The following SEC61B variants were observed in gnomAD, a reference collection of about 807,000 sequenced individuals.
The protein encoded by SEC61B is SEC61 translocon subunit beta, also known as protein transport protein Sec61 subunit beta.
A neutral mutation model predicts 12.6 loss-of-function variants in SEC61B; 7 were observed. That is an observed-to-expected ratio of 0.55 (90% confidence interval 0.32 to 1.04). The LOEUF (loss-of-function observed/expected upper bound fraction) is 1.04. Ranked by LOEUF, SEC61B falls within the 50% of genes least tolerant of loss-of-function variation. SEC61B has a pLI of 0.05. For missense variants in SEC61B, 107 were observed against 130.1 expected, an observed-to-expected ratio of 0.82 and a Z score of 0.86; for synonymous variants, 54 against 50.1, an observed-to-expected ratio of 1.08 and a Z score of -0.33.
chr9:99,226,990 AG>A (rs1828904987), intron 2 of SEC61B, among the ~76,000 whole-genome samples: 1 of 152,102 alleles, frequency 6.6e-6, no homozygotes, highest in African/African-American at 2.4e-5. Flanking sequence ...AAACACGGCC[AG>A]GTGCGGTGGC....
chr9:99,222,678 C>T (rs1397749374), intron 2 of SEC61B, 35 bp downstream of exon 2: 3 of 1,403,302 alleles, frequency 2.1e-6, no homozygotes, highest in African/African-American at 1.4e-5. Context: ...CTTCCAGACT[C>T]GGAGATAGGA....
chr9:99,225,172 T>C (rs1828880922), intron 2 of SEC61B, among the ~76,000 whole-genome samples: 1 of 152,226 alleles, frequency 6.6e-6, no homozygotes, highest in Admixed American at 6.5e-5. Context: ...CGAAGATGGG[T>C]CTGTGAACAA....
Position 99,227,925 on chromosome 9 carries a change from G to T in SEC61B, c.128G>T (p.Ser43Ile). 6.2e-7 allele frequency: 1 copy of T among 1,614,112 alleles called. No individual in the cohort carries two copies. The highest frequency in any genetic ancestry group is 1.1e-5 in the South Asian group (1 of 91,074). The change falls in exon 3 of 4, where the codon AGT (serine) becomes ATT (isoleucine). Residue 43 changes from serine (S) to isoleucine (I), a missense_variant. Coordinates refer to ENST00000223641, the MANE Select transcript of SEC61B (RefSeq NM_006808.3). ...QRKNASCGTR[S>I]AGRTTSAGTG... ...AAAAATGCCAGCTGTGGGACAAGGAGTGCAGGCCGCACAACCTCGGCAGGC... is the reference window on the plus strand; with the variant it reads ...AAAAATGCCAGCTGTGGGACAAGGATTGCAGGCCGCACAACCTCGGCAGGC...
At chr9:99,224,841 G>T (rs1183573271) in intron 2 of SEC61B, among the ~76,000 whole-genome samples, 1 of 152,200 alleles carries the variant, frequency 6.6e-6, no homozygotes. Flanking sequence ...GGAAGTTAAT[G>T]ATTCATAATA....
chr9:99,224,422 G>C (rs1218925937), intron 2 of SEC61B, among the ~76,000 whole-genome samples: 5 of 152,138 alleles, frequency 3.3e-5, no homozygotes, highest in African/African-American at 1.2e-4. Flanking sequence ...GCGGTTCCTT[G>C]GGAATGGTTC....
intron 2 of SEC61B, among the ~76,000 whole-genome samples, chr9:99,224,223 A>G (rs1445937366): frequency 6.6e-6 from 1 of 152,252 alleles, no homozygotes; most frequent in Non-Finnish European, 1.5e-5. Flanking sequence ...ACATCAGAAC[A>G]AAGACATTCT....
chr9:99,226,719 G>T (rs1280780886), intron 2 of SEC61B, among the ~76,000 whole-genome samples: 1 of 152,210 alleles, frequency 6.6e-6, no homozygotes, highest in Non-Finnish European at 1.5e-5. Flanking sequence ...AAGGGTAGTT[G>T]CTGGGTGGGG....
chr9:99,222,965 A>G (rs1828849207), intron 2 of SEC61B: 1 of 259,284 alleles, frequency 3.9e-6, no homozygotes, highest in Non-Finnish European at 7.3e-6. Flanking sequence ...GCGGCCCCAT[A>G]AGCAATCTGT....
rs375358763 is a variant in SEC61B, at chr9:99,222,421, C to T, written c.3+55C>T. 8.7e-5 allele frequency: 140 copies of T among 1,613,210 alleles called. No individual in the cohort carries two copies. In the African/African-American group the frequency reaches 1.5e-3, roughly 18 times the overall value. On this transcript the variant is annotated intron_variant, in intron 1 of 3. Transcript: ENST00000223641. ...CTCCCAGAAGCCCTGACTCCTCCTGCTTTGCGCCGTGCTTTTCCTCTGTAG... is the reference window on the plus strand; with the variant it reads ...CTCCCAGAAGCCCTGACTCCTCCTGTTTTGCGCCGTGCTTTTCCTCTGTAG...
rs1292083114 is a variant in SEC61B, at chr9:99,222,370, T to C, written c.3+4T>C. 1 of 1,614,196 alleles carries C rather than the reference T, an allele frequency of 6.2e-7. No homozygotes were observed. Among genetic ancestry groups the C allele is most frequent in the East Asian group, 2.2e-5 (1 of 44,880 alleles). On this transcript the variant is annotated splice_donor_region_variant and intron_variant, in intron 1 of 3. Coordinates refer to ENST00000223641, the MANE Select transcript of SEC61B (RefSeq NM_006808.3). ...TGCCACCCTCATCTCCAATATGGTA[T>C]GGCGGCCCTTCCATGATCCCCGCCT...
At chr9:99,228,112 A>T (rs117673772) in intron 3 of SEC61B, 112 bp downstream of exon 3, 4 of 769,120 alleles carry the variant, frequency 5.2e-6, no homozygotes, top group Non-Finnish European at 8.4e-6. Context: ...TACTGTACAC[A>T]ACAGCCTCAT....
intron 2 of SEC61B, among the ~76,000 whole-genome samples, chr9:99,226,262 C>T (rs1264781714): frequency 1.3e-5 from 2 of 152,178 alleles, no homozygotes; most frequent in East Asian, 1.9e-4. Context: ...ACCAGGACTG[C>T]ACTCTCCCAC....
At chr9:99,222,690 C>A (rs201622373) in intron 2 of SEC61B, 47 bp downstream of exon 2, 3 of 1,303,936 alleles carry the variant, frequency 2.3e-6, no homozygotes. Flanking sequence ...GAGATAGGAC[C>A]CAGAACCTCG....
intron 2 of SEC61B, among the ~76,000 whole-genome samples, chr9:99,225,282 GATAA>G: frequency 6.6e-6 from 1 of 152,308 alleles, no homozygotes; most frequent in East Asian, 1.9e-4. Context: ...GGGCTATGAA[GATAA>G]ATAAAGCTGG....
chr9:99,229,719 G>A (rs1828937325), intron 3 of SEC61B, among the ~76,000 whole-genome samples: 2 of 152,164 alleles, frequency 1.3e-5, no homozygotes, highest in South Asian at 2.1e-4. Context: ...GGGTATACAG[G>A]TGTATATATT....
At chr9:99,229,898 G>A (rs904586066) in intron 3 of SEC61B, among the ~76,000 whole-genome samples, 7 of 151,990 alleles carry the variant, frequency 4.6e-5, no homozygotes, top group South Asian at 2.1e-4. Flanking sequence ...CTATAGTCAC[G>A]TTGGTGTGCT....
chr9:99,223,338 A>AC lies in SEC61B; in HGVS notation c.101+695_101+696insC, dbSNP rs1354404826. Among the ~76,000 whole-genome samples, 134 of 151,528 alleles carry AC rather than the reference A, an allele frequency of 8.8e-4. 1 individual carries two copies. In the South Asian group the frequency reaches 0.02, roughly 22 times the overall value. The stretch of plus-strand genomic sequence containing the variant: ...ACTAAAAAAAACAAACAAACAAAAA[A>AC]AAAAAACCGGGGGGATACCAAAGCT... On this transcript the variant is annotated intron_variant, in intron 2 of 3. Coordinates refer to ENST00000223641, the MANE Select transcript of SEC61B (RefSeq NM_006808.3).
intron 2 of SEC61B, among the ~76,000 whole-genome samples, chr9:99,227,292 C>G (rs974214993): frequency 1.0e-5 from 1 of 99,956 alleles, no homozygotes; most frequent in Non-Finnish European, 2.1e-5. Flanking sequence ...AAAAAAAAAA[C>G]AAACTAGTGA....
At chr9:99,223,838 C>G (rs1388816450) in intron 2 of SEC61B, among the ~76,000 whole-genome samples, 6 of 152,218 alleles carry the variant, frequency 3.9e-5, no homozygotes, top group Non-Finnish European at 8.8e-5. Context: ...CCTCTTGAGG[C>G]CTTCTCTGTC....
Sources: gnomAD v4.1 joint callset for allele counts (sites outside exome capture counted in the v4.1 genomes callset) on GRCh38, gnomAD v4.1.1 for gene constraint, MANE v1.5 for transcripts, NCBI Gene and HGNC (gene_info 2026-07-23, HGNC 2026-07-21) for gene names.